Variants in NR3C2 observed in about 807,000 individuals in gnomAD.
The protein encoded by NR3C2 is nuclear receptor subfamily 3 group C member 2.
Under a neutral mutation model 86.4 loss-of-function variants are expected in NR3C2, and 15 were observed. The ratio of observed to expected loss-of-function variants is 0.17; its 90% CI spans 0.12 to 0.27. NR3C2 has a LOEUF of 0.27. Among genes scored for constraint, NR3C2 ranks in the 10% least tolerant of loss-of-function variants. The pLI is 1.00. For synonymous variants in NR3C2, 458 were observed against 450.5 expected (o/e 1.02, Z -0.21); for missense variants, 960 against 1,195.6 (o/e 0.80, Z 2.91).
intron 4 of NR3C2, among the ~76,000 whole-genome samples, chr4:148,169,285 CT>C (rs930949044): frequency 4.0e-5 from 6 of 151,504 alleles, no homozygotes; most frequent in South Asian, 2.1e-4. Flanking sequence ...ATAGTCCACA[CT>C]TTTTTTTTCT....
At chr4:148,181,881 C>A (rs1735663656) in intron 4 of NR3C2, among the ~76,000 whole-genome samples, 1 of 152,184 alleles carries the variant, frequency 6.6e-6, no homozygotes, top group South Asian at 2.1e-4. Flanking sequence ...TGGGAAGAGG[C>A]ACATTCTATA....
intron 3 of NR3C2, among the ~76,000 whole-genome samples, chr4:148,245,068 C>T (rs1278706770): frequency 2.6e-5 from 4 of 152,030 alleles, no homozygotes; most frequent in East Asian, 1.9e-4. Flanking sequence ...TTGGAGGAGC[C>T]GGGTAGTGTT....
At chr4:148,308,189 C>G (rs1742730000) in intron 2 of NR3C2, among the ~76,000 whole-genome samples, 1 of 152,082 alleles carries the variant, frequency 6.6e-6, no homozygotes, top group Non-Finnish European at 1.5e-5. Context: ...ATCTACGGAT[C>G]TGTGGAGGTG....
chr4:148,382,907 A>C (rs1747072207), intron 2 of NR3C2, among the ~76,000 whole-genome samples: 2 of 152,212 alleles, frequency 1.3e-5, no homozygotes, highest in African/African-American at 2.4e-5. Flanking sequence ...CCTTCTCTGC[A>C]ATAAAAAATA....
intron 2 of NR3C2, among the ~76,000 whole-genome samples, chr4:148,367,204 A>G (rs1006092798): frequency 6.6e-6 from 1 of 152,208 alleles, no homozygotes; most frequent in Non-Finnish European, 1.5e-5. Context: ...TGGATTTGTC[A>G]TGAGATTGTG....
intron 4 of NR3C2, among the ~76,000 whole-genome samples, chr4:148,174,754 AG>A (rs1735288614): frequency 6.6e-6 from 1 of 152,134 alleles, no homozygotes; most frequent in Admixed American, 6.5e-5. Flanking sequence ...AAGCCATGCC[AG>A]GGTCCCTCCT....
At chr4:148,186,296 A>C (rs960901203) in intron 4 of NR3C2, among the ~76,000 whole-genome samples, 1 of 151,518 alleles carries the variant, frequency 6.6e-6, no homozygotes, top group African/African-American at 2.4e-5. Context: ...TCCTTTACCC[A>C]TTTTTTTAAT....
intron 6 of NR3C2, 139 bp downstream of exon 6, chr4:148,152,330 T>C: frequency 1.2e-6 from 1 of 857,758 alleles, no homozygotes; most frequent in Non-Finnish European, 1.8e-6. Context: ...TTCCCAGAGA[T>C]CTGTAAATTT....
At chr4:148,096,714 T>C (rs1578877147) in intron 8 of NR3C2, among the ~76,000 whole-genome samples, 1 of 152,332 alleles carries the variant, frequency 6.6e-6, no homozygotes, top group East Asian at 1.9e-4. Context: ...CAAAGAATAA[T>C]ATTTTGTGAC....
intron 3 of NR3C2, among the ~76,000 whole-genome samples, chr4:148,199,165 C>T (rs145664906): frequency 1.8e-3 from 271 of 151,036 alleles, no homozygotes; most frequent in African/African-American, 6.0e-3. Flanking sequence ...GAGTAAAGAG[C>T]GTCCTGTGGG....
chr4:148,311,907 T>C (rs1250280334), intron 2 of NR3C2, among the ~76,000 whole-genome samples: 2 of 152,214 alleles, frequency 1.3e-5, no homozygotes, highest in Non-Finnish European at 2.9e-5. Context: ...TGTACAACTA[T>C]CTCCTTTACA....
At chr4:148,414,353 G>A (rs1244085135) in intron 2 of NR3C2, among the ~76,000 whole-genome samples, 1 of 152,088 alleles carries the variant, frequency 6.6e-6, no homozygotes. Flanking sequence ...GTAATATTCT[G>A]TCTCTCATTT....
chr4:148,204,081 T>C (rs2149811018), intron 3 of NR3C2, among the ~76,000 whole-genome samples: 1 of 152,286 alleles, frequency 6.6e-6, no homozygotes, highest in African/African-American at 2.4e-5. Context: ...TTGTGAAAGG[T>C]GTTCGTTTTT....
At chr4:148,303,265 C>T (rs1049672849) in intron 2 of NR3C2, among the ~76,000 whole-genome samples, 3 of 152,126 alleles carry the variant, frequency 2.0e-5, no homozygotes, top group Admixed American at 6.5e-5. Flanking sequence ...CTGCTTATTC[C>T]TGTGAACCAA....
chr4:148,404,951 G>C (rs1748340825), intron 2 of NR3C2, among the ~76,000 whole-genome samples: 1 of 152,106 alleles, frequency 6.6e-6, no homozygotes, highest in Non-Finnish European at 1.5e-5. Context: ...TGGAGAATTA[G>C]ATGGTTCCAA....
intron 4 of NR3C2, among the ~76,000 whole-genome samples, chr4:148,190,538 C>T (rs1736146872): frequency 6.6e-6 from 1 of 152,168 alleles, no homozygotes; most frequent in Admixed American, 6.5e-5. Flanking sequence ...CTGTATACAT[C>T]TGTTAAGTCC....
chr4:148,264,499 G>T (rs572145365), intron 2 of NR3C2, among the ~76,000 whole-genome samples: 1 of 152,230 alleles, frequency 6.6e-6, no homozygotes, highest in East Asian at 1.9e-4. Context: ...TCTACACATA[G>T]CATGTAAAGC....
At chr4:148,287,193 G>A (rs962772704) in intron 2 of NR3C2, among the ~76,000 whole-genome samples, 1 of 152,086 alleles carries the variant, frequency 6.6e-6, no homozygotes, top group African/African-American at 2.4e-5. Context: ...TAATGTTTTT[G>A]AATTCTGATC....
intron 3 of NR3C2, among the ~76,000 whole-genome samples, chr4:148,201,556 T>C (rs1208268457): frequency 6.6e-6 from 1 of 152,178 alleles, no homozygotes; most frequent in African/African-American, 2.4e-5. Context: ...AGTACAGACA[T>C]ATAGGTTGGT....
Sources: allele counts gnomAD v4.1 joint callset (sites outside exome capture counted in the v4.1 genomes callset), GRCh38; gene constraint gnomAD v4.1.1; transcripts MANE v1.5; gene names NCBI Gene and HGNC (gene_info 2026-07-23, HGNC 2026-07-21).